The following LRRC69 variants were observed in gnomAD, a reference collection of about 807,000 sequenced individuals.
LRRC69 encodes the protein leucine-rich repeat-containing protein 69.
LRRC69 carries 42 observed loss-of-function variants against 37.8 expected under a neutral mutation model. The observed-to-expected ratio is 1.11, with a 90% CI of 0.87 to 1.44. The LOEUF is 1.44. LRRC69 is among the 40% of genes most tolerant of loss of function. The pLI, the probability that LRRC69 is intolerant of heterozygous loss-of-function variation, is 0.00. For synonymous variants in LRRC69, 141 were observed against 143.1 expected (o/e 0.99, Z 0.11); for missense variants, 357 against 401.9 (o/e 0.89, Z 0.96).
intron 7 of LRRC69, among the ~76,000 whole-genome samples, chr8:91,216,847 T>G (rs1810056878): frequency 1.3e-5 from 2 of 152,144 alleles, no homozygotes; most frequent in Non-Finnish European, 1.5e-5. Context: ...TGATTTAACA[T>G]TTTATGGTCT....
intron 5 of LRRC69, among the ~76,000 whole-genome samples, chr8:91,138,542 C>A (rs34052615): frequency 0.055 from 8,009 of 144,810 alleles, 301 homozygotes; most frequent in Middle Eastern, 0.17. Context: ...CAATTTTTTT[C>A]AGAGCAGTAT....
chr8:91,124,815 C>A (rs555112544), intron 2 of LRRC69, 196 bp downstream of exon 2: 38 of 450,362 alleles, frequency 8.4e-5, no homozygotes, highest in African/African-American at 6.0e-4. Flanking sequence ...TACATGTAGA[C>A]CTAAGAAAAT....
intron 5 of LRRC69, chr8:91,157,945 G>T: frequency 1.4e-6 from 2 of 1,455,128 alleles, no homozygotes; most frequent in African/African-American, 1.4e-5. Context: ...CTGATTGCAC[G>T]TTCCGTATTC....
intron 7 of LRRC69, among the ~76,000 whole-genome samples, chr8:91,213,430 C>T (rs1382149330): frequency 6.6e-6 from 1 of 152,102 alleles, no homozygotes; most frequent in Non-Finnish European, 1.5e-5. Context: ...AACTTCAGAG[C>T]AGTACTCATG....
intron 6 of LRRC69, among the ~76,000 whole-genome samples, chr8:91,193,634 AT>A (rs1468986960): frequency 5.1e-4 from 6 of 11,668 alleles, no homozygotes; most frequent in African/African-American, 2.2e-3. Flanking sequence ...TTCACTCATG[AT>A]TTGGCTCTCT....
At chr8:91,102,729 GGAA>G in exon 1 of LRRC69, 1 of 1,551,698 alleles carries the variant, frequency 6.4e-7, no homozygotes, top group Non-Finnish European at 8.7e-7. Context: ...ACTTTGAATG[GGAA>G]GAAGATGACA....
chr8:91,197,731 GC>G (rs1268550806), intron 6 of LRRC69, among the ~76,000 whole-genome samples: 8 of 151,934 alleles, frequency 5.3e-5, no homozygotes, highest in African/African-American at 1.9e-4. Flanking sequence ...CCACTGACCG[GC>G]GCCCACTGTC....
chr8:91,157,929 A>C, intron 5 of LRRC69: 1 of 1,520,178 alleles, frequency 6.6e-7, no homozygotes, highest in Non-Finnish European at 9.1e-7. Flanking sequence ...GTGTATCGGC[A>C]GTATACTGAT....
chr8:91,133,293 A>T, exon 4 of LRRC69: 1 of 1,504,128 alleles, frequency 6.6e-7, no homozygotes, highest in Non-Finnish European at 8.8e-7. Context: ...ACAACATTGG[A>T]GTTTTGCCGG....
exon 4 of LRRC69, chr8:91,133,239 G>A: frequency 1.3e-6 from 2 of 1,524,264 alleles, no homozygotes; most frequent in East Asian, 2.5e-5. Flanking sequence ...TACCTGAAGA[G>A]ATTAAATTCT....
intron 5 of LRRC69, among the ~76,000 whole-genome samples, chr8:91,182,874 A>G (rs530451660): frequency 6.6e-6 from 1 of 152,372 alleles, no homozygotes; most frequent in Non-Finnish European, 1.5e-5. Context: ...AAATCAGCAC[A>G]CTAAATGAAA....
intron 7 of LRRC69, among the ~76,000 whole-genome samples, chr8:91,209,326 G>C (rs1809862812): frequency 6.6e-6 from 1 of 152,182 alleles, no homozygotes; most frequent in Non-Finnish European, 1.5e-5. Context: ...CTACTCGGGA[G>C]ACTGAGGAGG....
chr8:91,117,905 C>G (rs1268850297), intron 1 of LRRC69, among the ~76,000 whole-genome samples: 1 of 151,472 alleles, frequency 6.6e-6, no homozygotes, highest in African/African-American at 2.4e-5. Context: ...TCAGTATGGT[C>G]AGGGGTCTGG....
At chr8:91,106,474 A>G (rs1400480226) in intron 1 of LRRC69, among the ~76,000 whole-genome samples, 1 of 152,018 alleles carries the variant, frequency 6.6e-6, no homozygotes, top group East Asian at 1.9e-4. Context: ...TAACAACATC[A>G]ACCATTCACT....
rs543104817 is a variant in LRRC69 at position 91,206,850 on chromosome 8, AT to A, written c.933+6062del. On this transcript the variant is annotated intron_variant, in intron 7 of 7. Coordinates refer to ENST00000448384, the Ensembl canonical transcript of LRRC69. ...ATCCAAGGCAAGGAGAAACCAAGTA[AT>A]TTTGCCAATTTCAGAAAGCTGCCAA... The A allele has an allele frequency of 1.1e-3, 1,411 of 1,287,432 alleles. 3 individuals carry two copies. The highest frequency in any genetic ancestry group is 2.7e-3 in the South Asian group (221 of 80,484). 79.8% of individuals were successfully genotyped at this position (1,287,432 alleles called of 1,614,324 possible). A position where few individuals can be genotyped will look rare whatever the true frequency, so the allele number is the denominator to read the frequency against.
chr8:91,119,152 T>C (rs1175495948), intron 1 of LRRC69, among the ~76,000 whole-genome samples: 5 of 152,080 alleles, frequency 3.3e-5, no homozygotes, highest in Non-Finnish European at 4.4e-5. Context: ...CATAGACATA[T>C]CTTAAACATA....
chr8:91,128,750 AT>A (rs954857841), intron 3 of LRRC69, among the ~76,000 whole-genome samples: 3 of 152,000 alleles, frequency 2.0e-5, no homozygotes, highest in Non-Finnish European at 4.4e-5. Context: ...ATTGGTTGTT[AT>A]TTTTATTCTA....
At chr8:91,171,306 CAT>C (rs1563613235) in intron 5 of LRRC69, among the ~76,000 whole-genome samples, 3 of 133,034 alleles carry the variant, frequency 2.3e-5, no homozygotes, top group Non-Finnish European at 4.9e-5. Context: ...TTAGTTATTC[CAT>C]GTATACATTT....
chr8:91,197,499 C>T (rs1170364521), intron 6 of LRRC69, among the ~76,000 whole-genome samples: 3 of 152,002 alleles, frequency 2.0e-5, no homozygotes, highest in Admixed American at 6.6e-5. Flanking sequence ...AGCGAGACTC[C>T]GTGGGCGTAG....
Sources: allele counts gnomAD v4.1 joint callset (sites outside exome capture counted in the v4.1 genomes callset), GRCh38; gene constraint gnomAD v4.1.1; transcripts MANE v1.5; gene names NCBI Gene and HGNC (gene_info 2026-07-23, HGNC 2026-07-21).